The following STXBP3 variants were observed in gnomAD, a reference collection of about 807,000 sequenced individuals.
The protein encoded by STXBP3 is syntaxin-binding protein 3.
STXBP3 carries 41 observed loss-of-function variants against 85.7 expected under a neutral mutation model. The ratio of observed to expected loss-of-function variants is 0.48; its 90% CI spans 0.37 to 0.62. STXBP3 has a LOEUF of 0.62. STXBP3 is among the 20% of genes least tolerant of loss of function. STXBP3 has a pLI of 0.00. For missense variants in STXBP3, 563 were observed against 703.1 expected (o/e 0.80, Z 2.25); for synonymous variants, 229 against 231.7 (o/e 0.99, Z 0.10).
At position 108,757,492 on chromosome 1, in the gene STXBP3, T is replaced by C. The variant is rs183572643; in HGVS notation, c.258+726T>C. Among the ~76,000 whole-genome samples, 124 of 152,074 alleles carry C rather than the reference T, an allele frequency of 8.2e-4. 1 individual carries two copies. In the East Asian group the frequency reaches 0.023, roughly 28 times the overall value. ...ATGACATTTTATATCTTATCTGTAATATAATTCCATAAGAGAAAAATTCAT... is the reference window on the plus strand; with the variant it reads ...ATGACATTTTATATCTTATCTGTAACATAATTCCATAAGAGAAAAATTCAT... On this transcript the variant is annotated intron_variant, in intron 4 of 18. Transcript: ENST00000370008.
intron 9 of STXBP3, 145 bp downstream of exon 9, chr1:108,779,555 T>G (rs1264620390): frequency 1.2e-6 from 1 of 844,320 alleles, no homozygotes; most frequent in East Asian, 2.9e-5. Context: ...ATTCCTACAG[T>G]TATAGTCTTT....
At chr1:108,776,572 C>T in intron 8 of STXBP3, 149 bp downstream of exon 8, 1 of 525,918 alleles carries the variant, frequency 1.9e-6, no homozygotes, top group South Asian at 2.9e-5. Flanking sequence ...TTAACATACA[C>T]AATCGTGCAA....
intron 6 of STXBP3, among the ~76,000 whole-genome samples, chr1:108,767,834 A>C (rs58551431): frequency 0.38 from 57,656 of 151,776 alleles, 11,371 homozygotes; most frequent in Middle Eastern, 0.48. Context: ...CAATCCTCCT[A>C]CCTCAGCCTC....
Position 108,796,627 on chromosome 1 carries a change from G to A in STXBP3, c.1257G>A (p.Thr419=), listed in dbSNP as rs377733782. The A allele has an allele frequency of 1.9e-5, 31 of 1,611,940 alleles. No homozygotes were observed. The highest frequency in any genetic ancestry group is 2.2e-5 in the East Asian group (1 of 44,764). ...LLYIFSINGT[T]EENLDRLIQN... Reference sequence around the variant, plus strand: ...TATTTTTACCTATTTAAGGAACTACGGAAGAAAATTTGGACAGGTTGATCC... The same window carrying A: ...TATTTTTACCTATTTAAGGAACTACAGAAGAAAATTTGGACAGGTTGATCC... The change falls in exon 15 of 19, where the codon ACG becomes ACA. Residue 419 remains threonine (T), a synonymous_variant. Transcript: ENST00000370008.
chr1:108,756,902 T>C, intron 4 of STXBP3, 136 bp downstream of exon 4: 1 of 503,320 alleles, frequency 2.0e-6, no homozygotes, highest in Non-Finnish European at 3.3e-6. Flanking sequence ...TTAGGAAAGT[T>C]TTTTTCTGTG....
intron 6 of STXBP3, among the ~76,000 whole-genome samples, chr1:108,765,846 ATTTTTT>A (rs1221460441): frequency 4.1e-5 from 3 of 74,028 alleles, no homozygotes; most frequent in South Asian, 3.9e-4. Context: ...TGCTCCCGGC[ATTTTTT>A]TTTTTTTTTT....
At chr1:108,747,149 A>ACTCTTCTCCGCTCCCGTCCGCGCTC (rs1557797309) in intron 1 of STXBP3, among the ~76,000 whole-genome samples, 1 of 22,062 alleles carries the variant, frequency 4.5e-5, no homozygotes, top group African/African-American at 1.5e-4. Flanking sequence ...TCCGCGCTCC[A>ACTCTTCTCCGCTCCCGTCCGCGCTC]CCAGTTGGGG....
chr1:108,771,722 CTATCTATATATATCATATATAAATAT>C lies in STXBP3; in HGVS notation c.439-942_439-917del, dbSNP rs1452523716. 3.3e-4 allele frequency among the ~76,000 whole-genome samples: 4 copies of C among 11,986 alleles called. 1 individual carries two copies. The Admixed American group carries it at 3.6e-3, about 11-fold the overall frequency. 7.9% of individuals were successfully genotyped at this position (11,986 alleles called of 152,430 possible). On this transcript the variant is annotated intron_variant, in intron 6 of 18. Coordinates refer to ENST00000370008, the MANE Select transcript of STXBP3 (RefSeq NM_007269.4). ...TATCATATATAAATATATATGATAT[CTATCTATATATATCATATATAAATAT>C]ATATGATATCTATCTATATATCATA...
At chr1:108,805,718 C>T (rs1374187831) in intron 17 of STXBP3, among the ~76,000 whole-genome samples, 1 of 152,210 alleles carries the variant, frequency 6.6e-6, no homozygotes, top group Non-Finnish European at 1.5e-5. Context: ...CCACCACGCC[C>T]AGCCAAGAAC....
At chr1:108,775,920 A>AACACAC (rs59575550) in intron 7 of STXBP3, among the ~76,000 whole-genome samples, 158 of 150,094 alleles carry the variant, frequency 1.1e-3, no homozygotes, top group African/African-American at 3.6e-3. Context: ...ATAAATCTCA[A>AACACAC]ACACACACAC....
intron 6 of STXBP3, among the ~76,000 whole-genome samples, chr1:108,769,478 T>G (rs1390023774): frequency 6.6e-6 from 1 of 151,958 alleles, no homozygotes; most frequent in Non-Finnish European, 1.5e-5. Context: ...GTACAGAGAG[T>G]CTGGTACAGT....
At chr1:108,783,415 A>G (rs1557810572) in intron 11 of STXBP3, among the ~76,000 whole-genome samples, 4 of 152,250 alleles carry the variant, frequency 2.6e-5, no homozygotes, top group African/African-American at 9.6e-5. Flanking sequence ...GGTAAACTCT[A>G]TTCTAATTTT....
intron 11 of STXBP3, among the ~76,000 whole-genome samples, chr1:108,785,636 C>G (rs373242162): frequency 6.6e-5 from 10 of 152,164 alleles, no homozygotes; most frequent in Non-Finnish European, 1.2e-4. Flanking sequence ...TTGAATTTCT[C>G]CCCCGAAAAT....
intron 11 of STXBP3, among the ~76,000 whole-genome samples, chr1:108,783,734 C>T (rs958105355): frequency 2.0e-5 from 3 of 152,080 alleles, no homozygotes; most frequent in Non-Finnish European, 2.9e-5. Flanking sequence ...ATAGGTAATG[C>T]CAAAAGTTTT....
chr1:108,756,505 C>T (rs1174223359), intron 3 of STXBP3, among the ~76,000 whole-genome samples, 185 bp from the exon 4 acceptor site: 3 of 151,702 alleles, frequency 2.0e-5, no homozygotes, highest in African/African-American at 4.8e-5. Context: ...TTTCATTTTT[C>T]AGGATTTTAA....
intron 17 of STXBP3, among the ~76,000 whole-genome samples, chr1:108,805,675 G>A (rs1472240785): frequency 6.6e-6 from 1 of 152,116 alleles, no homozygotes; most frequent in Non-Finnish European, 1.5e-5. Flanking sequence ...CGCCCACCTC[G>A]GCCTCCCGAA....
chr1:108,775,523 TG>T (rs1419447664), intron 7 of STXBP3, among the ~76,000 whole-genome samples: 1 of 152,064 alleles, frequency 6.6e-6, no homozygotes, highest in Non-Finnish European at 1.5e-5. Flanking sequence ...CCTATATTTT[TG>T]TACCCATTAC....
At chr1:108,760,446 T>A (rs1397747178) in intron 6 of STXBP3, among the ~76,000 whole-genome samples, 1 of 151,934 alleles carries the variant, frequency 6.6e-6, no homozygotes, top group Non-Finnish European at 1.5e-5. Flanking sequence ...TTTAATAAAC[T>A]TTTTATATAA....
chr1:108,795,087 G>T (rs950611033), intron 13 of STXBP3, among the ~76,000 whole-genome samples, 180 bp downstream of exon 13: 1 of 152,098 alleles, frequency 6.6e-6, no homozygotes, highest in Non-Finnish European at 1.5e-5. Flanking sequence ...TTAACAAGTA[G>T]CTGTAGAGTA....
Sources: allele counts gnomAD v4.1 joint callset (sites outside exome capture counted in the v4.1 genomes callset), GRCh38; gene constraint gnomAD v4.1.1; transcripts MANE v1.5; gene names NCBI Gene and HGNC (gene_info 2026-07-23, HGNC 2026-07-21).